Variants in LYPLAL1 observed in about 807,000 individuals in gnomAD.
LYPLAL1 encodes lysophospholipase like 1, also known as lysophospholipase-like protein 1.
A neutral mutation model predicts 19.7 loss-of-function variants in LYPLAL1; 23 were observed. The ratio of observed to expected loss-of-function variants is 1.17; its 90% CI spans 0.84 to 1.65. The LOEUF (loss-of-function observed/expected upper bound fraction) is 1.65, where lower values mean the gene tolerates loss of function less well. Ranked by LOEUF, LYPLAL1 falls within the 40% of genes most tolerant of loss-of-function variation. The probability of loss-of-function intolerance (pLI) is 0.00; values close to 1 mark genes in which losing one functional copy is unlikely to be tolerated. For synonymous variants in LYPLAL1, 119 were observed against 96.3 expected (o/e 1.24, Z -1.38); for missense variants, 355 against 279.4 (o/e 1.27, Z -1.93).
At chr1:219,362,723 C>A in the LYPLAL1 span, among the ~76,000 whole-genome samples, 1 of 152,034 alleles carries the variant, frequency 6.6e-6, no homozygotes, top group African/African-American at 2.4e-5. Context: ...TAGTGTAAGA[C>A]GTTTGCAGTC....
the LYPLAL1 span, among the ~76,000 whole-genome samples, chr1:219,276,178 A>G: frequency 6.6e-6 from 1 of 151,468 alleles, no homozygotes; most frequent in South Asian, 2.1e-4. Context: ...CCACTTGAAG[A>G]AAAAAAAACA....
At chr1:219,250,583 GT>G in the LYPLAL1 span, among the ~76,000 whole-genome samples, 7 of 148,280 alleles carry the variant, frequency 4.7e-5, no homozygotes, top group East Asian at 1.4e-3. Context: ...GTGTTAGTTT[GT>G]TAAGGATATT....
At chr1:219,326,713 A>G in the LYPLAL1 span, among the ~76,000 whole-genome samples, 1 of 152,194 alleles carries the variant, frequency 6.6e-6, no homozygotes, top group Admixed American at 6.5e-5. Flanking sequence ...CTAAAGAAAG[A>G]GGAGCCTTTT....
the LYPLAL1 span, among the ~76,000 whole-genome samples, chr1:219,400,796 G>A: frequency 2.6e-5 from 4 of 152,056 alleles, no homozygotes; most frequent in African/African-American, 7.2e-5. Flanking sequence ...CACTGCACCC[G>A]GCCTGTCTAT....
the LYPLAL1 span, among the ~76,000 whole-genome samples, chr1:219,429,381 G>A: frequency 4.3e-4 from 66 of 152,310 alleles, 1 homozygote; most frequent in East Asian, 0.012. Flanking sequence ...ATTCCAGCAG[G>A]GCGCAGTGGC....
the LYPLAL1 span, among the ~76,000 whole-genome samples, chr1:219,349,594 T>C: frequency 2.6e-5 from 4 of 152,266 alleles, no homozygotes; most frequent in Middle Eastern, 3.4e-3. Context: ...TATGCATGCA[T>C]GTATGTATGT....
chr1:219,201,907 T>C (rs1446477843), intron 3 of LYPLAL1, among the ~76,000 whole-genome samples: 1 of 152,236 alleles, frequency 6.6e-6, no homozygotes, highest in African/African-American at 2.4e-5. Flanking sequence ...GCAAATAATA[T>C]TCAAGTCTTT....
intron 3 of LYPLAL1, among the ~76,000 whole-genome samples, chr1:219,206,768 C>A (rs1051444917): frequency 1.3e-5 from 2 of 150,886 alleles, no homozygotes; most frequent in South Asian, 4.2e-4. Context: ...TCTGAAACTA[C>A]ATAAAGTGAT....
the LYPLAL1 span, among the ~76,000 whole-genome samples, chr1:219,291,415 A>G: frequency 6.6e-6 from 1 of 152,194 alleles, no homozygotes; most frequent in African/African-American, 2.4e-5. Flanking sequence ...AATATTTGAA[A>G]TAAGTGCCAG....
rs538700872 is a variant in LYPLAL1 at position 219,174,164 on chromosome 1, A to G, written c.91+183A>G. Reference sequence around the variant, plus strand: ...CCACCTGCCCCCAGCCTCCCCCGTTAGTCTTCCTCTTTCTATCGGGCGGTC... The same window carrying G: ...CCACCTGCCCCCAGCCTCCCCCGTTGGTCTTCCTCTTTCTATCGGGCGGTC... On this transcript the variant is annotated intron_variant, in intron 1 of 4. Coordinates refer to ENST00000366928, the MANE Select transcript of LYPLAL1 (RefSeq NM_138794.5). 113 of 1,431,708 alleles carry G rather than the reference A, an allele frequency of 7.9e-5. 1 individual carries two copies. In the East Asian group the frequency reaches 2.6e-3, roughly 33 times the overall value. The allele number at this position is 1,431,708 out of a possible 1,614,324, so 88.7% of individuals were successfully genotyped here.
chr1:219,306,900 A>G, the LYPLAL1 span, among the ~76,000 whole-genome samples: 1 of 151,816 alleles, frequency 6.6e-6, no homozygotes, highest in Non-Finnish European at 1.5e-5. Flanking sequence ...TAAATCTCCT[A>G]TTGGTCCTGT....
At chr1:219,216,749 C>A (rs575440514), downstream of LYPLAL1, among the ~76,000 whole-genome samples, 14 of 152,158 alleles carry the variant, frequency 9.2e-5, no homozygotes, top group South Asian at 2.7e-3. Flanking sequence ...AAGCTCTTGA[C>A]CTCTGTGGAC....
At chr1:219,224,586 A>T in the LYPLAL1 span, among the ~76,000 whole-genome samples, 2 of 152,186 alleles carry the variant, frequency 1.3e-5, no homozygotes, top group Non-Finnish European at 2.9e-5. Context: ...CTCCTTATGG[A>T]TGTTATTGTC....
At chr1:219,346,593 T>C in the LYPLAL1 span, among the ~76,000 whole-genome samples, 1 of 151,582 alleles carries the variant, frequency 6.6e-6, no homozygotes, top group African/African-American at 2.4e-5. Flanking sequence ...AATGAAAAGA[T>C]AGGGATACTG....
the LYPLAL1 span, among the ~76,000 whole-genome samples, chr1:219,444,433 C>T: frequency 6.6e-6 from 1 of 152,172 alleles, no homozygotes; most frequent in Admixed American, 6.5e-5. Context: ...ATTTACCTCC[C>T]TCCCTTGTCT....
the LYPLAL1 span, chr1:219,272,180 G>T: frequency 0.016 from 2,411 of 152,640 alleles, 18 homozygotes; most frequent in Non-Finnish European, 0.022. Flanking sequence ...AGAGGGCCCA[G>T]CAGAAAGAAA....
chr1:219,338,200 A>G, the LYPLAL1 span, among the ~76,000 whole-genome samples: 1 of 152,032 alleles, frequency 6.6e-6, no homozygotes, highest in East Asian at 1.9e-4. Context: ...TTAATCCAAT[A>G]TGGACTAATG....
At chr1:219,393,417 G>GGAT in the LYPLAL1 span, among the ~76,000 whole-genome samples, 1 of 152,126 alleles carries the variant, frequency 6.6e-6, no homozygotes. Context: ...GATATGCCCT[G>GGAT]CCCTTCATAG....
the LYPLAL1 span, among the ~76,000 whole-genome samples, chr1:219,374,853 G>A: frequency 6.6e-6 from 1 of 152,118 alleles, no homozygotes; most frequent in Non-Finnish European, 1.5e-5. Context: ...TTCACCCTGA[G>A]CTCTCCAACC....
Sources: allele counts gnomAD v4.1 joint callset (sites outside exome capture counted in the v4.1 genomes callset), GRCh38; gene constraint gnomAD v4.1.1; transcripts MANE v1.5; gene names NCBI Gene and HGNC (gene_info 2026-07-23, HGNC 2026-07-21).